Variants in SELP observed in about 807,000 individuals in gnomAD.
SELP encodes selectin P.
SELP carries 92 observed loss-of-function variants against 104.1 expected under a neutral mutation model. The observed-to-expected ratio is 0.88, with a 90% CI of 0.75 to 1.05. SELP has a LOEUF of 1.05. Among genes scored for constraint, SELP ranks in the 50% least tolerant of loss-of-function variants. The pLI is 0.00. For synonymous variants in SELP, 397 were observed against 364.5 expected (o/e 1.09, Z -1.01); for missense variants, 1,022 against 1,017.3 (o/e 1.00, Z -0.06).
Position 169,597,852 on chromosome 1 carries a change from G to A in SELP, c.1706-676C>T, listed in dbSNP as rs3917800. ...CTGAGAATTTTTCCACTTTTATGGC[G>A]TAAAATCCCACTAATCCTCCAGGAT... On this transcript the variant is annotated intron_variant, in intron 10 of 16. Transcript: ENST00000263686. Among the ~76,000 whole-genome samples the A allele has an allele frequency of 6.8e-3, 1,036 of 152,226 alleles. 6 individuals are homozygous for A. The highest frequency in any genetic ancestry group is 0.01 in the Admixed American group (153 of 15,284).
At chr1:169,605,843 G>A (rs3917760) in intron 9 of SELP, among the ~76,000 whole-genome samples, 109 of 152,118 alleles carry the variant, frequency 7.2e-4, no homozygotes, top group Middle Eastern at 6.8e-3. Flanking sequence ...AAAATCTTGC[G>A]TTTAAAAAGC....
At chr1:169,622,050 A>G (rs1663161621) in intron 1 of SELP, among the ~76,000 whole-genome samples, 1 of 152,240 alleles carries the variant, frequency 6.6e-6, no homozygotes, top group Non-Finnish European at 1.5e-5. Context: ...CTTAAAAACA[A>G]TCTGCCTAAA....
rs759838760 is a variant in SELP, at chr1:169,597,071, T to C, written c.1811A>G (p.Asn604Ser). 3 of 1,613,342 alleles carry C rather than the reference T, an allele frequency of 1.9e-6. No individual in the cohort carries two copies. Among genetic ancestry groups the C allele is most frequent in the Non-Finnish European group, 1.7e-6 (2 of 1,179,628 alleles). ...VGSTCHFSCD[N>S]GFKLEGPNNV... Reference sequence around the variant, plus strand: ...ATTGGGCCCCTCCAGCTTAAAGCCGTTGTCACAAGAGAAATGGCAGGTGGA... The same window carrying C: ...ATTGGGCCCCTCCAGCTTAAAGCCGCTGTCACAAGAGAAATGGCAGGTGGA... The change falls in exon 11 of 17, where the codon AAC (asparagine) becomes AGC (serine). Residue 604 changes from asparagine to serine, a missense_variant. Coordinates refer to ENST00000263686, the MANE Select transcript of SELP (RefSeq NM_003005.4).
intron 1 of SELP, among the ~76,000 whole-genome samples, chr1:169,629,561 T>C (rs932787701): frequency 2.6e-5 from 4 of 152,348 alleles, no homozygotes; most frequent in Admixed American, 6.5e-5. Flanking sequence ...AGAAGATTCA[T>C]AGGCTCACAG....
At chr1:169,613,919 C>T (rs1338343493) in intron 3 of SELP, among the ~76,000 whole-genome samples, 2 of 152,192 alleles carry the variant, frequency 1.3e-5, no homozygotes, top group Non-Finnish European at 2.9e-5. Context: ...TTAGTATTTC[C>T]TAAGGAGGGT....
At chr1:169,602,652 A>C (rs1389279852) in intron 10 of SELP, among the ~76,000 whole-genome samples, 3 of 152,088 alleles carry the variant, frequency 2.0e-5, no homozygotes, top group African/African-American at 7.2e-5. Context: ...TCACTCTGTC[A>C]CCAGGCTGGA....
intron 2 of SELP, among the ~76,000 whole-genome samples, 172 bp downstream of exon 2, chr1:169,618,957 G>A (rs1311285152): frequency 6.6e-6 from 1 of 152,124 alleles, no homozygotes; most frequent in Non-Finnish European, 1.5e-5. Context: ...TCTTTCCTAT[G>A]CCCTTTCTAC....
intron 15 of SELP, among the ~76,000 whole-genome samples, 193 bp from the exon 16 acceptor site, chr1:169,590,395 T>A (rs1661297321): frequency 6.6e-6 from 1 of 152,232 alleles, no homozygotes; most frequent in African/African-American, 2.4e-5. Flanking sequence ...TGCATTGCAT[T>A]TTGCACCCAC....
chr1:169,629,955 C>T, intron 1 of SELP, 117 bp downstream of exon 1: 1 of 1,341,912 alleles, frequency 7.5e-7, no homozygotes. Context: ...GGCAATTCAA[C>T]ATAAAACTCC....
chr1:169,612,911 A>C lies in SELP; in HGVS notation c.775+18T>G, dbSNP rs765178997. ...AAATTCTATGTCAGTGAGGATGAAA[A>C]GAATAAGGTCTACATACCTAAACAC... is the stretch of plus-strand genomic sequence containing the variant. On this transcript the variant is annotated intron_variant, in intron 5 of 16. Coordinates refer to ENST00000263686, the MANE Select transcript of SELP (RefSeq NM_003005.4). 5.8e-6 allele frequency: 9 copies of C among 1,540,696 alleles called. No individual in the cohort carries two copies. In the South Asian group the frequency reaches 9.8e-5, roughly 17 times the overall value.
chr1:169,601,435 A>G (rs972622678), intron 10 of SELP, among the ~76,000 whole-genome samples: 1 of 152,216 alleles, frequency 6.6e-6, no homozygotes, highest in African/African-American at 2.4e-5. Context: ...GAGCAATACA[A>G]GTCTTTGGAT....
chr1:169,603,275 GTAAC>G, intron 9 of SELP, 64 bp from the exon 10 acceptor site: 1 of 1,411,418 alleles, frequency 7.1e-7, no homozygotes, highest in Non-Finnish European at 9.8e-7. Flanking sequence ...CCTGAACTCT[GTAAC>G]TCTCTCTCTC....
chr1:169,597,520 G>T (rs1261436828), intron 10 of SELP, among the ~76,000 whole-genome samples: 2 of 152,108 alleles, frequency 1.3e-5, no homozygotes, highest in Non-Finnish European at 2.9e-5. Flanking sequence ...TATCTTACTT[G>T]AATGGGTGCA....
chr1:169,611,600 C>T lies in SELP; in HGVS notation c.1039G>A (p.Gly347Ser). The T allele has an allele frequency of 1.9e-6, 3 of 1,614,148 alleles. No homozygotes were observed. Among genetic ancestry groups the T allele is most frequent in the Non-Finnish European group, 2.5e-6 (3 of 1,180,016 alleles). ...CVHPLTAFAY[G>S]SSCKFECQPG... Reference sequence around the variant, plus strand: ...TGGCACTCAAATTTACAGCTGGAGCCATAGGCAAAAGCAGTGAGCGGATGA... The same window carrying T: ...TGGCACTCAAATTTACAGCTGGAGCTATAGGCAAAAGCAGTGAGCGGATGA... The change falls in exon 7 of 17, where the codon GGC (glycine) becomes AGC (serine). Residue 347 changes from glycine (G) to serine (S), a missense_variant. Gly to Ser is a moderately conservative substitution (Grantham distance 56). Coordinates refer to ENST00000263686, the MANE Select transcript of SELP (RefSeq NM_003005.4).
chr1:169,600,386 G>C (rs188851729), intron 10 of SELP, among the ~76,000 whole-genome samples: 1 of 152,172 alleles, frequency 6.6e-6, no homozygotes, highest in East Asian at 1.9e-4. Context: ...AATGTATGTA[G>C]GTTATATGCA....
At chr1:169,617,537 A>G in intron 2 of SELP, 123 bp from the exon 3 acceptor site, 4 of 983,932 alleles carry the variant, frequency 4.1e-6, no homozygotes, top group Non-Finnish European at 3.0e-6. Flanking sequence ...CAAAACAACG[A>G]CTAGTTTATG....
chr1:169,629,844 G>T (rs965031135), intron 1 of SELP, among the ~76,000 whole-genome samples: 3 of 152,198 alleles, frequency 2.0e-5, no homozygotes, highest in African/African-American at 4.8e-5. Flanking sequence ...TGTAAACCAC[G>T]ATGGCTTTAT....
In SELP at chr1:169,612,197, C is replaced by T. The variant is rs772545134; in HGVS notation, c.961+20G>A. ...ACTGGGTGCAATGGACATTATACAT[C>T]CCAACTACCTGAAACTCACCTTTAC... On this transcript the variant is annotated intron_variant, in intron 6 of 16. Transcript: ENST00000263686. The T allele has an allele frequency of 1.9e-6, 3 of 1,611,432 alleles. No homozygotes were observed. Among genetic ancestry groups the T allele is most frequent in the Non-Finnish European group, 2.5e-6 (3 of 1,178,660 alleles).
intron 1 of SELP, among the ~76,000 whole-genome samples, chr1:169,620,264 C>T (rs933943058): frequency 2.0e-5 from 3 of 152,144 alleles, no homozygotes; most frequent in African/African-American, 7.2e-5. Context: ...CTCATCTTGT[C>T]CGACTTCCTC....
Sources: allele counts gnomAD v4.1 joint callset (sites outside exome capture counted in the v4.1 genomes callset), GRCh38; gene constraint gnomAD v4.1.1; transcripts MANE v1.5; gene names NCBI Gene and HGNC (gene_info 2026-07-23, HGNC 2026-07-21).